The following KATNAL1 variants were observed in gnomAD, a reference collection of about 807,000 sequenced individuals.
KATNAL1 encodes the protein katanin catalytic subunit A1 like 1.
Under a neutral mutation model 55.2 loss-of-function variants are expected in KATNAL1, and 32 were observed. The observed-to-expected ratio is 0.58, with a 90% CI of 0.44 to 0.78. KATNAL1 has a LOEUF of 0.78. Ranked by LOEUF, KATNAL1 falls within the 30% of genes least tolerant of loss-of-function variation. KATNAL1 has a pLI of 0.00. For missense variants in KATNAL1, 466 were observed against 600.9 expected (o/e 0.78, Z 2.35); for synonymous variants, 193 against 193.6 (o/e 1.00, Z 0.02).
intron 1 of KATNAL1, among the ~76,000 whole-genome samples, chr13:30,302,789 T>C (rs1882941820): frequency 6.6e-6 from 1 of 152,242 alleles, no homozygotes. Flanking sequence ...CTTATTCATG[T>C]ATCATGTATC....
chr13:30,217,198 A>C (rs1874363119), intron 9 of KATNAL1, among the ~76,000 whole-genome samples: 1 of 152,216 alleles, frequency 6.6e-6, no homozygotes, highest in African/African-American at 2.4e-5. Flanking sequence ...CACGCCTGTA[A>C]TCCCAGCACT....
intron 3 of KATNAL1, among the ~76,000 whole-genome samples, chr13:30,268,991 T>C (rs904068112): frequency 2.6e-5 from 4 of 152,050 alleles, no homozygotes; most frequent in African/African-American, 7.2e-5. Context: ...ACACACAATA[T>C]AGTATAATAT....
intron 3 of KATNAL1, among the ~76,000 whole-genome samples, chr13:30,258,936 A>C (rs1879009842): frequency 6.6e-6 from 1 of 152,234 alleles, no homozygotes; most frequent in South Asian, 2.1e-4. Flanking sequence ...ATTATTTGCT[A>C]TCAGATTATA....
chr13:30,234,967 G>A (rs1336878169), intron 6 of KATNAL1, among the ~76,000 whole-genome samples: 2 of 152,180 alleles, frequency 1.3e-5, no homozygotes, highest in Non-Finnish European at 2.9e-5. Flanking sequence ...AGACTACTCA[G>A]GATGGGGGAT....
At chr13:30,260,776 C>T (rs1099848) in intron 3 of KATNAL1, among the ~76,000 whole-genome samples, 48,205 of 145,860 alleles carry the variant, frequency 0.33, 12,112 homozygotes, top group Admixed American at 0.48. Context: ...GAGAATGGAA[C>T]CAAGTTGGAA....
chr13:30,243,937 T>A (rs1022368647), intron 4 of KATNAL1, among the ~76,000 whole-genome samples: 26 of 152,320 alleles, frequency 1.7e-4, no homozygotes, highest in African/African-American at 6.3e-4. Flanking sequence ...ATTTTTCTTT[T>A]TTTTAAATTA....
chr13:30,255,934 G>A (rs1878746282), intron 3 of KATNAL1, among the ~76,000 whole-genome samples: 1 of 152,042 alleles, frequency 6.6e-6, no homozygotes, highest in Non-Finnish European at 1.5e-5. Flanking sequence ...ACAACATAAT[G>A]GAAAGGCAAT....
chr13:30,293,405 C>T (rs1882270686), intron 1 of KATNAL1, among the ~76,000 whole-genome samples: 1 of 152,116 alleles, frequency 6.6e-6, no homozygotes, highest in Admixed American at 6.5e-5. Flanking sequence ...CCGGCAACAC[C>T]CCTTCAAAAT....
intron 1 of KATNAL1, among the ~76,000 whole-genome samples, chr13:30,289,921 G>A (rs1246480748): frequency 6.6e-6 from 1 of 152,212 alleles, no homozygotes; most frequent in African/African-American, 2.4e-5. Flanking sequence ...ACAACTAAGT[G>A]TGGTTGTGTT....
In KATNAL1 at chr13:30,240,969, T is replaced by C. The variant is rs1226508651; in HGVS notation, c.610A>G (p.Ser204Gly). Reference protein sequence around the residue: ...LERDIVSRNPSIHWDDIADLE... With the variant: ...LERDIVSRNPGIHWDDIADLE... The stretch of plus-strand genomic sequence containing the variant: ...TTGAAAGACTCTAACCAATGAATGC[T>C]AGGATTCCTGGATACAATGTCTCTT... The change falls in exon 5 of 11, where the codon AGC becomes GGC. Residue 204 changes from serine to glycine, a missense_variant. By Grantham distance (56) the Ser-to-Gly change is moderately conservative (BLOSUM62 0). Around this residue, in one of 3 missense-constraint regions of KATNAL1, gnomAD observed 248 missense variants for 275.5 expected, o/e 0.90. Coordinates refer to ENST00000380615, the MANE Select transcript of KATNAL1 (RefSeq NM_032116.5). 9.3e-6 allele frequency: 15 copies of C among 1,612,472 alleles called. No individual in the cohort carries two copies. Among genetic ancestry groups the C allele is most frequent in the African/African-American group, 4.0e-5 (3 of 74,854 alleles).
chr13:30,224,335 A>G (rs993909650), intron 9 of KATNAL1, among the ~76,000 whole-genome samples: 1 of 152,150 alleles, frequency 6.6e-6, no homozygotes, highest in African/African-American at 2.4e-5. Flanking sequence ...GTTTGAGACC[A>G]GCCTGGGAAA....
Position 30,304,952 on chromosome 13 carries a change from C to T in KATNAL1, c.-15+2379G>A, listed in dbSNP as rs1411018166. Among the ~76,000 whole-genome samples the T allele has an allele frequency of 3.3e-5, 5 of 152,302 alleles. 1 individual carries two copies. The South Asian group carries it at 8.3e-4, about 25-fold the overall frequency. ...TCTTATCAAGTCATATCAATTTTAT[C>T]TCTTAAATATTCCTTGAATCCATGT... On this transcript the variant is annotated intron_variant, in intron 1 of 10. Transcript: ENST00000380615.
intron 9 of KATNAL1, among the ~76,000 whole-genome samples, chr13:30,212,762 A>C (rs1437097262): frequency 6.6e-6 from 1 of 152,220 alleles, no homozygotes; most frequent in Non-Finnish European, 1.5e-5. Context: ...TGTCCACCAA[A>C]CAATATGATG....
chr13:30,299,279 T>C (rs1168820366), intron 1 of KATNAL1, among the ~76,000 whole-genome samples: 2 of 152,164 alleles, frequency 1.3e-5, no homozygotes, highest in South Asian at 2.1e-4. Flanking sequence ...AGGCAAATCA[T>C]ATAATTTCAA....
At position 30,255,445 on chromosome 13, in the gene KATNAL1, G is replaced by A; in HGVS notation, c.492+2C>T. 1 of 1,517,410 alleles carries A rather than the reference G, an allele frequency of 6.6e-7. No homozygotes were observed. Among genetic ancestry groups the A allele is most frequent in the Non-Finnish European group, 8.8e-7 (1 of 1,132,094 alleles). The allele number at this position is 1,517,410 out of a possible 1,614,324, so 94.0% of individuals were successfully genotyped here. On this transcript the variant is annotated splice_donor_variant, in intron 4 of 10. Coordinates refer to ENST00000380615, the MANE Select transcript of KATNAL1 (RefSeq NM_032116.5). LOFTEE classifies it low-confidence loss of function (GC_TO_GT_DONOR). ...GTGAATTACAGAAAGACAGCATCTT[G>A]CCTTGTCATCTCTCCCTCTTGCTCT...
At chr13:30,222,057 G>C (rs755760179) in intron 9 of KATNAL1, among the ~76,000 whole-genome samples, 1 of 151,758 alleles carries the variant, frequency 6.6e-6, no homozygotes, top group Admixed American at 6.6e-5. Flanking sequence ...ATCTCAGAAA[G>C]AAAAAAGAAA....
chr13:30,277,982 C>CAAAAAAAAAA (rs55683675), intron 3 of KATNAL1, among the ~76,000 whole-genome samples: 8 of 61,310 alleles, frequency 1.3e-4, no homozygotes, highest in African/African-American at 3.5e-4. Context: ...GACTCCGTCT[C>CAAAAAAAAAA]AAAAAAAAAA....
chr13:30,214,580 G>C (rs2137350492), intron 9 of KATNAL1, among the ~76,000 whole-genome samples: 1 of 152,254 alleles, frequency 6.6e-6, no homozygotes, highest in East Asian at 1.9e-4. Flanking sequence ...CAGAGATATA[G>C]ATCAATGGAA....
intron 3 of KATNAL1, among the ~76,000 whole-genome samples, chr13:30,259,050 G>C (rs1566111990): frequency 1.3e-5 from 2 of 152,224 alleles, no homozygotes; most frequent in African/African-American, 4.8e-5. Context: ...GTAAAAGGCT[G>C]TATTAAGGGT....
Sources: gnomAD v4.1 joint callset for allele counts (sites outside exome capture counted in the v4.1 genomes callset) on GRCh38, gnomAD v4.1.1 for gene constraint, gnomAD v4.1.1 regional missense constraint, MANE v1.5 for transcripts, NCBI Gene and HGNC (gene_info 2026-07-23, HGNC 2026-07-21) for gene names.